RHD: variants seen among roughly 807,000 people sequenced by gnomAD.
RHD encodes the protein blood group Rh(D) polypeptide.
A neutral mutation model predicts 45.5 loss-of-function variants in RHD; 16 were observed. The ratio of observed to expected loss-of-function variants is 0.35; its 90% CI spans 0.24 to 0.53. The LOEUF (loss-of-function observed/expected upper bound fraction) is 0.53, where lower values mean the gene tolerates loss of function less well. Among genes scored for constraint, RHD ranks in the 20% least tolerant of loss-of-function variants. The pLI, the probability that RHD is intolerant of heterozygous loss-of-function variation, is 0.92. For synonymous variants in RHD, 131 were observed against 217.5 expected, an observed-to-expected ratio of 0.60 and a Z score of 3.50; for missense variants, 306 against 532.0, an observed-to-expected ratio of 0.58 and a Z score of 4.18.
intron 2 of RHD, among the ~76,000 whole-genome samples, chr1:25,285,289 C>T (rs1446688027): frequency 1.5e-5 from 2 of 133,940 alleles, no homozygotes; most frequent in South Asian, 2.2e-4. Context: ...CATGTGCCAC[C>T]GCGCCTGGCT....
At chr1:25,290,554 A>AGGAT in intron 2 of RHD, 87 bp from the exon 3 acceptor site, 2 of 1,099,950 alleles carry the variant, frequency 1.8e-6, no homozygotes, top group South Asian at 2.5e-5. Flanking sequence ...GTTTGTTGAA[A>AGGAT]GAATGAATGA....
chr1:25,303,248 G>A lies in RHD; in HGVS notation c.802-74G>A, dbSNP rs1261189609. The A allele has an allele frequency of 1.4e-5, 15 of 1,043,872 alleles. 2 individuals carry two copies. The highest frequency in any genetic ancestry group is 4.7e-5 in the East Asian group (2 of 42,772). 64.7% of individuals were successfully genotyped at this position (1,043,872 alleles called of 1,614,324 possible). On this transcript the variant is annotated intron_variant, in intron 5 of 9. Coordinates refer to ENST00000328664, the MANE Select transcript of RHD (RefSeq NM_016124.6). ...GTTACAGGGTTGCCTTGTTCCCAGCGTGCTGGTCACTTGCAGCAAGATGGT... is the reference window on the plus strand; with the variant it reads ...GTTACAGGGTTGCCTTGTTCCCAGCATGCTGGTCACTTGCAGCAAGATGGT...
In RHD at chr1:25,292,897, A is replaced by G. The variant is rs1467297139; in HGVS notation, c.486+2106A>G. 9.9e-5 allele frequency among the ~76,000 whole-genome samples: 12 copies of G among 120,946 alleles called. 1 individual carries two copies. The highest frequency in any genetic ancestry group is 2.5e-4 in the African/African-American group (9 of 35,386). The allele number at this position is 120,946 out of a possible 152,430, so 79.3% of individuals were successfully genotyped here. On this transcript the variant is annotated intron_variant, in intron 3 of 9. Transcript: ENST00000328664. ...ATTTTAGAGGGGGGACATGTGTAAG[A>G]GCCAGCAAAGGAGACAGAATTGTGC...
At chr1:25,305,649 G>A (rs554018620) in intron 6 of RHD, among the ~76,000 whole-genome samples, 1 of 129,168 alleles carries the variant, frequency 7.7e-6, no homozygotes, top group East Asian at 2.0e-4. Flanking sequence ...TGCCCAGGCT[G>A]GAGTGCAGTG....
intron 7 of RHD, among the ~76,000 whole-genome samples, chr1:25,311,280 G>A (rs1165579951): frequency 1.5e-5 from 2 of 131,318 alleles, no homozygotes; most frequent in East Asian, 3.9e-4. Context: ...AAATCTGTAG[G>A]TCAGCCATGT....
intron 2 of RHD, among the ~76,000 whole-genome samples, chr1:25,290,210 C>G (rs1428329248): frequency 1.5e-5 from 2 of 129,302 alleles, no homozygotes. Context: ...GATGGGGTGA[C>G]TGGATGTGGG....
At chr1:25,283,368 T>C (rs1641668942) in intron 1 of RHD, among the ~76,000 whole-genome samples, 1 of 130,742 alleles carries the variant, frequency 7.6e-6, no homozygotes, top group African/African-American at 2.6e-5. Context: ...CCTTCTCTAT[T>C]AAAAATACAA....
At position 25,307,155 on chromosome 1, in the gene RHD, TC is replaced by T. The variant is rs1407887551; in HGVS notation, c.1073+430del. On this transcript the variant is annotated intron_variant, in intron 7 of 9. Transcript: ENST00000328664. The stretch of plus-strand genomic sequence containing the variant: ...TGTAAATGGAGATAATGATACTATC[TC>T]CCCTCACAGGACTGTTGGGATGCTA... Among the ~76,000 whole-genome samples the T allele has an allele frequency of 5.3e-5, 7 of 132,106 alleles. 2 individuals carry two copies. Among genetic ancestry groups the T allele is most frequent in the African/African-American group, 1.8e-4 (7 of 38,382 alleles). The allele number at this position is 132,106 out of a possible 152,430, so 86.7% of individuals were successfully genotyped here.
chr1:25,288,575 A>G (rs1328875028), intron 2 of RHD, among the ~76,000 whole-genome samples: 2 of 126,542 alleles, frequency 1.6e-5, no homozygotes, highest in Non-Finnish European at 3.7e-5. Flanking sequence ...CTTGACGTAT[A>G]TCAACTCACT....
Position 25,303,461 on chromosome 1 carries a change from T to A in RHD, c.939+2T>A. 11 of 1,378,726 alleles carry A rather than the reference T, an allele frequency of 8.0e-6. 2 individuals carry two copies. Among genetic ancestry groups the A allele is most frequent in the Non-Finnish European group, 1.1e-5 (11 of 978,698 alleles). 85.4% of individuals were successfully genotyped at this position (1,378,726 alleles called of 1,614,324 possible). ...GTCGGGGGAGCCAAGTACCTGCCGGTAAGAAACTAGACAACTAACCTCCTC... is the reference window on the plus strand; with the variant it reads ...GTCGGGGGAGCCAAGTACCTGCCGGAAAGAAACTAGACAACTAACCTCCTC... On this transcript the variant is annotated splice_donor_variant, in intron 6 of 9. Transcript: ENST00000328664. LOFTEE classifies it high-confidence loss of function.
chr1:25,285,464 T>G (rs1203615714), intron 2 of RHD, among the ~76,000 whole-genome samples: 1 of 134,918 alleles, frequency 7.4e-6, no homozygotes, highest in East Asian at 1.9e-4. Context: ...AGAAAGGACT[T>G]TCAGCCCCCT....
chr1:25,285,760 A>T lies in RHD; in HGVS notation c.335+1001A>T, dbSNP rs1458113291. On this transcript the variant is annotated intron_variant, in intron 2 of 9. Transcript: ENST00000328664. ...CACTTAATAGGAGGAAGTAGGCTAA[A>T]TTTTTTCCTGAAACATTGTTTTGTT... 3.0e-5 allele frequency among the ~76,000 whole-genome samples: 4 copies of T among 134,982 alleles called. 1 individual carries two copies. The highest frequency in any genetic ancestry group is 7.0e-5 in the Non-Finnish European group (4 of 57,016). The allele number at this position is 134,982 out of a possible 152,430, so 88.6% of individuals were successfully genotyped here. A position where few individuals can be genotyped will look rare whatever the true frequency, so the allele number is the denominator to read the frequency against.
chr1:25,306,308 G>C (rs1281573764), intron 6 of RHD, among the ~76,000 whole-genome samples: 1 of 131,822 alleles, frequency 7.6e-6, no homozygotes, highest in African/African-American at 2.6e-5. Context: ...GTCTACACTA[G>C]ACCCTTGCTA....
At chr1:25,305,435 C>T (rs1409555532) in intron 6 of RHD, among the ~76,000 whole-genome samples, 7 of 121,858 alleles carry the variant, frequency 5.7e-5, no homozygotes, top group African/African-American at 2.0e-4. Flanking sequence ...CTCATTCTGT[C>T]ACCCAGGCTG....
chr1:25,322,539 G>A lies in RHD; in HGVS notation c.1227+577G>A, dbSNP rs558186349. Among the ~76,000 whole-genome samples, 36 of 132,430 alleles carry A rather than the reference G, an allele frequency of 2.7e-4. 4 individuals are homozygous for A. The highest frequency in any genetic ancestry group is 9.2e-4 in the African/African-American group (36 of 38,924). 86.9% of individuals were successfully genotyped at this position (132,430 alleles called of 152,430 possible). A position where few individuals can be genotyped will look rare whatever the true frequency, so the allele number is the denominator to read the frequency against. ...AATACAAAAGTTAGCTGGGTGTGGT[G>A]GCACATGCCTGTAATCCCAGTTACT... On this transcript the variant is annotated intron_variant, in intron 9 of 9. Transcript: ENST00000328664.
chr1:25,328,787 G>T, intron 9 of RHD, 111 bp from the exon 10 acceptor site: 1 of 509,772 alleles, frequency 2.0e-6, no homozygotes, highest in East Asian at 2.8e-5. Context: ...CAGATTTTAT[G>T]AAAGAATTTC....
intron 2 of RHD, among the ~76,000 whole-genome samples, chr1:25,285,574 A>C (rs1641906924): frequency 7.4e-6 from 1 of 134,980 alleles, no homozygotes; most frequent in South Asian, 2.2e-4. Context: ...CATCACAACT[A>C]ATGTATGGTG....
At chr1:25,299,457 C>T (rs1446568531) in intron 3 of RHD, among the ~76,000 whole-genome samples, 1 of 131,176 alleles carries the variant, frequency 7.6e-6, no homozygotes, top group Non-Finnish European at 1.8e-5. Context: ...TAGACACCCT[C>T]TACAGACAAG....
intron 8 of RHD, among the ~76,000 whole-genome samples, chr1:25,321,411 A>G (rs2124146340): frequency 8.2e-6 from 1 of 121,986 alleles, no homozygotes; most frequent in Non-Finnish European, 1.9e-5. Flanking sequence ...CTGTAATACT[A>G]GCACTTTGGA....
Sources: allele counts gnomAD v4.1 joint callset (sites outside exome capture counted in the v4.1 genomes callset), GRCh38; gene constraint gnomAD v4.1.1; transcripts MANE v1.5; gene names NCBI Gene and HGNC (gene_info 2026-07-23, HGNC 2026-07-21).